Variants in MAP3K2 observed in about 807,000 individuals in gnomAD.
The protein encoded by MAP3K2 is MAP/ERK kinase kinase 2.
A neutral mutation model predicts 80.3 loss-of-function variants in MAP3K2; 24 were observed. That is an observed-to-expected ratio of 0.30 (90% confidence interval 0.22 to 0.42). The LOEUF (loss-of-function observed/expected upper bound fraction) is 0.42. Among genes scored for constraint, MAP3K2 ranks in the 10% least tolerant of loss-of-function variants. The pLI is 1.00. For missense variants in MAP3K2, 608 were observed against 750.1 expected, an observed-to-expected ratio of 0.81 and a Z score of 2.21; for synonymous variants, 244 against 253.7, an observed-to-expected ratio of 0.96 and a Z score of 0.36.
intron 1 of MAP3K2, among the ~76,000 whole-genome samples, chr2:127,384,698 C>G (rs1217693420): frequency 6.6e-6 from 1 of 151,104 alleles, no homozygotes; most frequent in African/African-American, 2.4e-5. Flanking sequence ...GGGTCTTGCT[C>G]TGTTGCCCAG....
chr2:127,376,574 C>T (rs187878843), intron 1 of MAP3K2, among the ~76,000 whole-genome samples: 8 of 152,228 alleles, frequency 5.3e-5, no homozygotes, highest in African/African-American at 1.9e-4. Context: ...CCAGCAGTTC[C>T]GTACAGGGGC....
intron 1 of MAP3K2, among the ~76,000 whole-genome samples, chr2:127,387,146 A>G (rs1687367771): frequency 2.6e-5 from 4 of 152,150 alleles, no homozygotes; most frequent in Admixed American, 2.6e-4. Context: ...TGCATGTACC[A>G]TTTCTGCTTC....
At chr2:127,333,117 G>A (rs1236077483) in intron 5 of MAP3K2, among the ~76,000 whole-genome samples, 1 of 147,768 alleles carries the variant, frequency 6.8e-6, no homozygotes, top group Non-Finnish European at 1.5e-5. Context: ...GGGTGACAGC[G>A]GGAGATGCTG....
chr2:127,299,890 AGAAAT>A lies in MAP3K2; in HGVS notation c.*7684_*7688del, dbSNP rs1379057283. On this transcript the variant is annotated 3_prime_UTR_variant, in exon 17 of 17. Coordinates refer to ENST00000682094, the MANE Select transcript of MAP3K2 (RefSeq NM_001371910.2). ...TTATAAAACAAGTTCATAAAAATGT[AGAAAT>A]GAAATGAAAATAAGAACTTACTGGG... 6.6e-6 allele frequency: 1 copy of A among 152,168 alleles called. No homozygotes were observed. The highest frequency in any genetic ancestry group is 1.5e-5 in the Non-Finnish European group (1 of 67,984). The allele number at this position is 152,168 out of a possible 1,614,324, so 9.4% of individuals were successfully genotyped here. A position where few individuals can be genotyped will look rare whatever the true frequency, so the allele number is the denominator to read the frequency against.
intron 8 of MAP3K2, 80 bp from the exon 9 acceptor site, chr2:127,325,887 A>T: frequency 1.1e-6 from 1 of 872,974 alleles, no homozygotes. Context: ...CCTTAATTAG[A>T]CATACTTCAT....
Position 127,369,907 on chromosome 2 carries a change from T to A in MAP3K2, c.-66+17545A>T, listed in dbSNP as rs146777181. Among the ~76,000 whole-genome samples the A allele has an allele frequency of 1.4e-3, 215 of 152,276 alleles. 8 individuals are homozygous for A. In the East Asian group the frequency reaches 0.036, roughly 26 times the overall value. On this transcript the variant is annotated intron_variant, in intron 1 of 16. Transcript: ENST00000682094. ...GATCAGTCAGGGTGGTGGGAAAAATTGTAGAAAGATGTAAACCTTCTTGGA... is the reference window on the plus strand; with the variant it reads ...GATCAGTCAGGGTGGTGGGAAAAATAGTAGAAAGATGTAAACCTTCTTGGA...
chr2:127,353,669 G>A (rs1221626793), intron 1 of MAP3K2, among the ~76,000 whole-genome samples: 29 of 151,448 alleles, frequency 1.9e-4, no homozygotes, highest in Non-Finnish European at 5.9e-5. Context: ...GAGGTGAGGG[G>A]CGCCTCTGCC....
chr2:127,361,523 A>G (rs1686892570), intron 1 of MAP3K2, among the ~76,000 whole-genome samples: 1 of 152,138 alleles, frequency 6.6e-6, no homozygotes, highest in African/African-American at 2.4e-5. Context: ...CACACTCCAC[A>G]TAAAGTGGCA....
At chr2:127,311,352 G>A (rs1046606622) in intron 15 of MAP3K2, among the ~76,000 whole-genome samples, 2 of 152,122 alleles carry the variant, frequency 1.3e-5, no homozygotes, top group Non-Finnish European at 2.9e-5. Flanking sequence ...CTACAAGCAG[G>A]GCTCTGATAG....
chr2:127,347,474 AATTTC>A (rs1686616671), intron 1 of MAP3K2, among the ~76,000 whole-genome samples: 8 of 152,124 alleles, frequency 5.3e-5, no homozygotes, highest in Non-Finnish European at 1.2e-4. Flanking sequence ...TTAAGAAATC[AATTTC>A]ATTTACAATA....
intron 1 of MAP3K2, among the ~76,000 whole-genome samples, chr2:127,354,609 C>T (rs1028957293): frequency 6.6e-6 from 1 of 152,010 alleles, no homozygotes; most frequent in African/African-American, 2.4e-5. Flanking sequence ...AACTTAAGAG[C>T]AAGACGCAAA....
intron 1 of MAP3K2, among the ~76,000 whole-genome samples, chr2:127,363,261 C>T (rs1206932537): frequency 1.3e-5 from 2 of 151,990 alleles, no homozygotes; most frequent in African/African-American, 4.8e-5. Flanking sequence ...TTTTTTTCAA[C>T]CAACATTTAA....
Position 127,307,488 on chromosome 2 carries a change from CTCT to C in MAP3K2, c.*88_*90del, listed in dbSNP as rs201657462. On this transcript the variant is annotated 3_prime_UTR_variant, in exon 17 of 17. Transcript: ENST00000682094. This position sits in a 1 kb window ranked among gnomAD's most constrained non-coding sequence, Gnocchi z 5.4. Reference sequence around the variant, plus strand: ...CTCTTGTCTTTTTTCTCCCCCATCTCTCTTTTTTTATAAAAAAGAAAAGTGCAG... The same window carrying C: ...CTCTTGTCTTTTTTCTCCCCCATCTCTTTTTTATAAAAAAGAAAAGTGCAG... 250 of 688,334 alleles carry C rather than the reference CTCT, an allele frequency of 3.6e-4. 2 individuals carry two copies. The East Asian group carries it at 7.2e-3, about 20-fold the overall frequency. The allele number at this position is 688,334 out of a possible 1,614,324, so 42.6% of individuals were successfully genotyped here.
chr2:127,337,531 C>T (rs937925920), intron 4 of MAP3K2, among the ~76,000 whole-genome samples: 6 of 152,134 alleles, frequency 3.9e-5, no homozygotes. Context: ...ATTGCAAAGA[C>T]ATTAATCATT....
chr2:127,375,290 C>T (rs1212808912), intron 1 of MAP3K2, among the ~76,000 whole-genome samples: 1 of 152,172 alleles, frequency 6.6e-6, no homozygotes, highest in Non-Finnish European at 1.5e-5. Flanking sequence ...TCAGACAACA[C>T]AGGCCCCGGA....
Position 127,333,276 on chromosome 2 carries a change from T to TC in MAP3K2, c.264+2593_264+2594insG, listed in dbSNP as rs556833967. 1.7e-4 allele frequency among the ~76,000 whole-genome samples: 21 copies of TC among 120,978 alleles called. No homozygotes were observed. In the South Asian group the frequency reaches 4.2e-3, roughly 24 times the overall value. The allele number at this position is 120,978 out of a possible 152,430, so 79.4% of individuals were successfully genotyped here. The stretch of plus-strand genomic sequence containing the variant: ...TGAACACCTCCACAACCAACCCTCA[T>TC]AACACACACACACACACACACACAC... On this transcript the variant is annotated intron_variant, in intron 5 of 16. Coordinates refer to ENST00000682094, the MANE Select transcript of MAP3K2 (RefSeq NM_001371910.2).
At chr2:127,316,912 T>C (rs1358106658) in intron 14 of MAP3K2, 2 of 152,154 alleles carry the variant, frequency 1.3e-5, no homozygotes, top group Non-Finnish European at 2.9e-5. Context: ...ATTAGAACGA[T>C]ACAGAGAAGA....
chr2:127,341,485 T>C (rs1194327536), intron 2 of MAP3K2, among the ~76,000 whole-genome samples: 1 of 150,136 alleles, frequency 6.7e-6, no homozygotes, highest in Non-Finnish European at 1.5e-5. Context: ...TACCCATAAG[T>C]ACACTTACGT....
intron 1 of MAP3K2, among the ~76,000 whole-genome samples, chr2:127,383,531 T>C (rs1053695624): frequency 6.6e-6 from 1 of 152,254 alleles, no homozygotes; most frequent in Non-Finnish European, 1.5e-5. Context: ...GATTTTGTAT[T>C]GACACTTTAC....
Sources: allele counts gnomAD v4.1 joint callset (sites outside exome capture counted in the v4.1 genomes callset), GRCh38; gene constraint gnomAD v4.1.1; non-coding constraint Gnocchi (gnomAD v3.1); transcripts MANE v1.5; gene names NCBI Gene and HGNC (gene_info 2026-07-23, HGNC 2026-07-21).